LDB2: variants seen among roughly 807,000 people sequenced by gnomAD.
LDB2 encodes LIM domain-binding protein 2.
A neutral mutation model predicts 44.3 loss-of-function variants in LDB2; 12 were observed. The ratio of observed to expected loss-of-function variants is 0.27; its 90% CI spans 0.17 to 0.44. LDB2 has a LOEUF of 0.44. Among genes scored for constraint, LDB2 ranks in the 20% least tolerant of loss-of-function variants. The pLI is 1.00. For synonymous variants in LDB2, 164 were observed against 174.8 expected (o/e 0.94, Z 0.49); for missense variants, 344 against 473.5 (o/e 0.73, Z 2.54).
chr4:16,894,132 A>T (rs941027728), intron 1 of LDB2, among the ~76,000 whole-genome samples: 1 of 152,170 alleles, frequency 6.6e-6, no homozygotes, highest in African/African-American at 2.4e-5. Flanking sequence ...TCTTCAGAAC[A>T]TATTTTTATA....
chr4:16,786,260 A>G (rs1774405385), intron 1 of LDB2, among the ~76,000 whole-genome samples: 1 of 152,232 alleles, frequency 6.6e-6, no homozygotes, highest in Non-Finnish European at 1.5e-5. Context: ...TCAAGTTTCC[A>G]GGGAGACTCA....
intron 1 of LDB2, among the ~76,000 whole-genome samples, chr4:16,846,262 G>A (rs1786984211): frequency 6.6e-6 from 1 of 152,130 alleles, no homozygotes; most frequent in Non-Finnish European, 1.5e-5. Context: ...AATACACTTG[G>A]TTTAACAGAT....
chr4:16,894,693 G>C (rs1327239154), intron 1 of LDB2, among the ~76,000 whole-genome samples: 1 of 152,086 alleles, frequency 6.6e-6, no homozygotes, highest in Non-Finnish European at 1.5e-5. Context: ...GGAGATACCA[G>C]GCCCCAAAAA....
intron 2 of LDB2, among the ~76,000 whole-genome samples, chr4:16,758,539 T>G (rs139098424): frequency 5.6e-4 from 86 of 152,334 alleles, no homozygotes; most frequent in Non-Finnish European, 9.3e-4. Flanking sequence ...TGGCTGAACC[T>G]AATCAGGACA....
At chr4:16,859,099 A>G (rs141952495) in intron 1 of LDB2, among the ~76,000 whole-genome samples, 3 of 152,204 alleles carry the variant, frequency 2.0e-5, no homozygotes, top group African/African-American at 7.2e-5. Context: ...CCACTCCACA[A>G]CAGTTAATAT....
chr4:16,820,886 G>A (rs1162137342), intron 1 of LDB2, among the ~76,000 whole-genome samples: 1 of 152,096 alleles, frequency 6.6e-6, no homozygotes, highest in African/African-American at 2.4e-5. Flanking sequence ...AATGTTTAAT[G>A]GTATAAGGGA....
intron 5 of LDB2, among the ~76,000 whole-genome samples, chr4:16,514,555 T>C (rs950297366): frequency 4.6e-5 from 7 of 152,234 alleles, no homozygotes; most frequent in Non-Finnish European, 1.0e-4. Flanking sequence ...CTAGAAAGGT[T>C]CTTCAGTTGT....
At chr4:16,753,459 A>G (rs948958920) in intron 2 of LDB2, among the ~76,000 whole-genome samples, 1 of 152,216 alleles carries the variant, frequency 6.6e-6, no homozygotes, top group African/African-American at 2.4e-5. Context: ...TGGAGCTTTC[A>G]GGAAAAATAA....
intron 2 of LDB2, among the ~76,000 whole-genome samples, chr4:16,602,109 C>G (rs1434613865): frequency 2.6e-5 from 4 of 152,060 alleles, no homozygotes; most frequent in Admixed American, 2.0e-4. Flanking sequence ...CTCTGATGAC[C>G]TGTCTTGTGA....
Position 16,749,566 on chromosome 4 carries a change from A to T in LDB2, c.235+9592T>A, listed in dbSNP as rs188003091. 6.7e-3 allele frequency among the ~76,000 whole-genome samples: 908 copies of T among 136,262 alleles called. 15 individuals are homozygous for T. The highest frequency in any genetic ancestry group is 0.025 in the African/African-American group (840 of 33,786). 89.4% of individuals were successfully genotyped at this position (136,262 alleles called of 152,430 possible). On this transcript the variant is annotated intron_variant, in intron 2 of 7. Coordinates refer to ENST00000304523, the MANE Select transcript of LDB2 (RefSeq NM_001290.5). ...AGAGCAAGACTCCATCTCAAAAAAA[A>T]AAAAAATAAAAAAATAAAAAAAAAT...
intron 2 of LDB2, among the ~76,000 whole-genome samples, chr4:16,678,294 A>G (rs952623883): frequency 6.6e-6 from 1 of 152,250 alleles, no homozygotes. Flanking sequence ...TTAAACAATT[A>G]TTTTGTACCA....
At position 16,799,846 on chromosome 4, in the gene LDB2, C is replaced by T. The variant is rs114551803; in HGVS notation, c.133-40586G>A. Among the ~76,000 whole-genome samples the T allele has an allele frequency of 2.6e-3, 391 of 152,162 alleles. 4 individuals are homozygous for T. The highest frequency in any genetic ancestry group is 9.1e-3 in the African/African-American group (376 of 41,486). ...TTTTCCAGTATAAGTATGTCCGATG[C>T]AATATTTTTGACATACTTATACTAA... On this transcript the variant is annotated intron_variant, in intron 1 of 7. Coordinates refer to ENST00000304523, the MANE Select transcript of LDB2 (RefSeq NM_001290.5).
At position 16,734,703 on chromosome 4, in the gene LDB2, CT is replaced by C. The variant is rs539507998; in HGVS notation, c.235+24454del. On this transcript the variant is annotated intron_variant, in intron 2 of 7. Coordinates refer to ENST00000304523, the MANE Select transcript of LDB2 (RefSeq NM_001290.5). ...CTGCTGCTTCCCAACTTCTTGTTTTCTTTTTTTTTTTTTTTTTTTTTTGAGA... is the reference window on the plus strand; with the variant it reads ...CTGCTGCTTCCCAACTTCTTGTTTTCTTTTTTTTTTTTTTTTTTTTTGAGA... Among the ~76,000 whole-genome samples, 1,120 of 129,302 alleles carry C rather than the reference CT, an allele frequency of 8.7e-3. 8 individuals are homozygous for C. The highest frequency in any genetic ancestry group is 0.025 in the African/African-American group (882 of 34,724). 84.8% of individuals were successfully genotyped at this position (129,302 alleles called of 152,430 possible).
intron 2 of LDB2, among the ~76,000 whole-genome samples, chr4:16,620,950 A>G (rs1728704380): frequency 6.6e-6 from 1 of 152,254 alleles, no homozygotes; most frequent in Non-Finnish European, 1.5e-5. Context: ...TTCAGAACTT[A>G]AACGCTTTAT....
At chr4:16,843,910 G>A (rs1043535518) in intron 1 of LDB2, among the ~76,000 whole-genome samples, 5 of 151,898 alleles carry the variant, frequency 3.3e-5, no homozygotes, top group African/African-American at 7.3e-5. Flanking sequence ...GAGCTGCCAC[G>A]CCCAGCAAAT....
At chr4:16,635,407 G>T (rs564155444) in intron 2 of LDB2, among the ~76,000 whole-genome samples, 1 of 152,308 alleles carries the variant, frequency 6.6e-6, no homozygotes, top group East Asian at 1.9e-4. Context: ...CAGAGCTTGA[G>T]TCCCGTGTTG....
chr4:16,561,062 A>G (rs1012249274), intron 5 of LDB2, among the ~76,000 whole-genome samples: 9 of 152,132 alleles, frequency 5.9e-5, no homozygotes, highest in South Asian at 2.1e-4. Context: ...TTGATGGGAC[A>G]TATCTCAAAA....
intron 1 of LDB2, among the ~76,000 whole-genome samples, chr4:16,783,149 A>G (rs1182506757): frequency 2.0e-5 from 3 of 152,228 alleles, no homozygotes; most frequent in African/African-American, 7.2e-5. Flanking sequence ...TAGAAAACAG[A>G]AAGAAGGCTT....
chr4:16,807,953 G>A (rs1280045429), intron 1 of LDB2, among the ~76,000 whole-genome samples: 1 of 152,126 alleles, frequency 6.6e-6, no homozygotes, highest in Admixed American at 6.5e-5. Context: ...TAAGGAGAAG[G>A]TACAACAGGT....
Sources: allele counts gnomAD v4.1 joint callset (sites outside exome capture counted in the v4.1 genomes callset), GRCh38; gene constraint gnomAD v4.1.1; transcripts MANE v1.5; gene names NCBI Gene and HGNC (gene_info 2026-07-23, HGNC 2026-07-21).